Variants in OAF observed in about 807,000 individuals in gnomAD.
OAF encodes the protein out at first homolog.
Under a neutral mutation model 22.5 loss-of-function variants are expected in OAF, and 13 were observed. That is an observed-to-expected ratio of 0.58 (90% confidence interval 0.38 to 0.92). OAF has a LOEUF of 0.92. OAF is among the 40% of genes least tolerant of loss of function. The pLI, the probability that OAF is intolerant of heterozygous loss-of-function variation, is 0.00. For synonymous variants in OAF, 175 were observed against 170.5 expected (o/e 1.03, Z -0.21); for missense variants, 347 against 381.8 (o/e 0.91, Z 0.76).
intron 1 of OAF, among the ~76,000 whole-genome samples, chr11:120,216,084 T>C (rs1485521422): frequency 6.6e-6 from 1 of 152,032 alleles, no homozygotes; most frequent in Non-Finnish European, 1.5e-5. Flanking sequence ...CAAGGACCCA[T>C]GGAGGATGGA....
At chr11:120,215,645 A>T (rs1424842879) in intron 1 of OAF, among the ~76,000 whole-genome samples, 2 of 152,152 alleles carry the variant, frequency 1.3e-5, no homozygotes, top group African/African-American at 4.8e-5. Flanking sequence ...GGATGTACAT[A>T]ATCACTGGCA....
At chr11:120,214,039 C>T (rs1938182387) in intron 1 of OAF, 1 of 152,210 alleles carries the variant, frequency 6.6e-6, no homozygotes, top group South Asian at 2.1e-4. Context: ...CTACTGCACT[C>T]CAGCCTGGGA....
At chr11:120,221,067 C>T (rs1173298775) in intron 1 of OAF, among the ~76,000 whole-genome samples, 1 of 152,306 alleles carries the variant, frequency 6.6e-6, no homozygotes, top group Middle Eastern at 3.4e-3. Context: ...CCTCATGCCA[C>T]CCCCAGCCCC....
At chr11:120,212,590 C>T (rs114246672) in intron 1 of OAF, among the ~76,000 whole-genome samples, 2,295 of 151,368 alleles carry the variant, frequency 0.015, 63 homozygotes, top group African/African-American at 0.053. Context: ...GAGCCCGGGG[C>T]CCCGGGGACC....
chr11:120,217,702 T>G (rs1267382198), intron 1 of OAF, among the ~76,000 whole-genome samples: 1 of 152,240 alleles, frequency 6.6e-6, no homozygotes, highest in East Asian at 1.9e-4. Context: ...CCAGGCTCCT[T>G]GCCGGTACAC....
intron 1 of OAF, among the ~76,000 whole-genome samples, chr11:120,224,582 C>A (rs1202572532): frequency 6.6e-6 from 1 of 152,146 alleles, no homozygotes; most frequent in Non-Finnish European, 1.5e-5. Context: ...TCTGTTCTCG[C>A]GGGTGTACAG....
At chr11:120,218,179 CTGGGGGCAGGAGCACTGCTCT>C (rs1310722933) in intron 1 of OAF, among the ~76,000 whole-genome samples, 5 of 12,640 alleles carry the variant, frequency 4.0e-4, no homozygotes, top group Non-Finnish European at 8.5e-4. Flanking sequence ...TGGGGAGGGG[CTGGGGGCAGGAGCACTGCTCT>C]GGGTGAGTGG....
At chr11:120,216,928 C>T (rs961540476) in intron 1 of OAF, among the ~76,000 whole-genome samples, 4 of 152,172 alleles carry the variant, frequency 2.6e-5, no homozygotes, top group Non-Finnish European at 4.4e-5. Flanking sequence ...CTTATCTGAT[C>T]GCCTGGAGCT....
intron 1 of OAF, among the ~76,000 whole-genome samples, chr11:120,212,244 C>CGGTGGGTG (rs56028329): frequency 1.0e-5 from 1 of 97,600 alleles, no homozygotes; most frequent in African/African-American, 4.3e-5. Flanking sequence ...GAGACCAGCC[C>CGGTGGGTG]GGTGGGTGGG....
chr11:120,227,556 C>T (rs1938377907), intron 3 of OAF, among the ~76,000 whole-genome samples: 2 of 152,134 alleles, frequency 1.3e-5, no homozygotes, highest in African/African-American at 4.8e-5. Context: ...CAGCTTCAGG[C>T]CCTCCCTGGT....
At chr11:120,227,848 A>G (rs565873556) in intron 3 of OAF, among the ~76,000 whole-genome samples, 14 of 151,850 alleles carry the variant, frequency 9.2e-5, no homozygotes, top group African/African-American at 3.1e-4. Flanking sequence ...CCCCACACAC[A>G]TACACCCTCC....
intron 1 of OAF, among the ~76,000 whole-genome samples, chr11:120,216,787 A>G (rs1179755034): frequency 6.6e-6 from 1 of 152,226 alleles, no homozygotes; most frequent in Non-Finnish European, 1.5e-5. Flanking sequence ...AGGCTTCCCA[A>G]GGCACAGAGA....
At chr11:120,220,150 C>T (rs1938262048) in intron 1 of OAF, among the ~76,000 whole-genome samples, 1 of 152,148 alleles carries the variant, frequency 6.6e-6, no homozygotes, top group African/African-American at 2.4e-5. Context: ...AGATCCAAGG[C>T]ACTCTCACAA....
chr11:120,219,917 T>C (rs1250687506), intron 1 of OAF, among the ~76,000 whole-genome samples: 1 of 152,156 alleles, frequency 6.6e-6, no homozygotes, highest in Non-Finnish European at 1.5e-5. Flanking sequence ...AAAGAGTGTC[T>C]GCACATTGGA....
chr11:120,225,476 T>C (rs1319702366), intron 1 of OAF, among the ~76,000 whole-genome samples, 185 bp from the exon 2 acceptor site: 2 of 151,848 alleles, frequency 1.3e-5, no homozygotes, highest in Non-Finnish European at 2.9e-5. Flanking sequence ...ACATCTGGGG[T>C]GTGTTCTTTC....
In OAF at chr11:120,225,722, A is replaced by G; in HGVS notation, c.293A>G (p.Gln98Arg). ...GELEKGQSQF[Q>R]ALCFVTQLQH... ...CTGGAGAAGGGGCAGAGTCAGTTCCAGGCCCTCTGCTTTGTCACCCAGCTG... is the reference window on the plus strand; with the variant it reads ...CTGGAGAAGGGGCAGAGTCAGTTCCGGGCCCTCTGCTTTGTCACCCAGCTG... The change falls in exon 2 of 4, where the codon CAG becomes CGG. Residue 98 changes from glutamine to arginine, a missense_variant. By Grantham distance (43) the Gln-to-Arg change is conservative. Coordinates refer to ENST00000328965, the MANE Select transcript of OAF (RefSeq NM_178507.4). The G allele has an allele frequency of 6.2e-7, 1 of 1,605,904 alleles. No homozygotes were observed. The highest frequency in any genetic ancestry group is 2.3e-5 in the East Asian group (1 of 43,636).
At chr11:120,213,225 G>A (rs181245852) in intron 1 of OAF, among the ~76,000 whole-genome samples, 1 of 151,700 alleles carries the variant, frequency 6.6e-6, no homozygotes, top group Non-Finnish European at 1.5e-5. Context: ...GAAGGGAGAG[G>A]CTAAGAAGTA....
chr11:120,223,676 G>A (rs61898290), intron 1 of OAF, among the ~76,000 whole-genome samples: 10,809 of 152,242 alleles, frequency 0.071, 452 homozygotes, highest in Admixed American at 0.14. Context: ...TTTTGCCAAC[G>A]GTAGTCAGGT....
At chr11:120,213,958 C>G (rs1938181497) in intron 1 of OAF, 2 of 152,130 alleles carry the variant, frequency 1.3e-5, no homozygotes, top group South Asian at 4.2e-4. Flanking sequence ...GTAGTCCCAG[C>G]TATTCAAGGA....
Sources: gnomAD v4.1 joint callset for allele counts (sites outside exome capture counted in the v4.1 genomes callset) on GRCh38, gnomAD v4.1.1 for gene constraint, MANE v1.5 for transcripts, NCBI Gene and HGNC (gene_info 2026-07-23, HGNC 2026-07-21) for gene names.